Variants in PDS5A observed in about 807,000 individuals in gnomAD.
PDS5A encodes sister chromatid cohesion protein PDS5 homolog A.
In PDS5A, 42 loss-of-function variants were observed where a neutral mutation model predicts 167.1. The observed-to-expected ratio is 0.25, with a 90% confidence interval of 0.20 to 0.33. The LOEUF (loss-of-function observed/expected upper bound fraction) is 0.33, where lower values mean the gene tolerates loss of function less well. Among genes scored for constraint, PDS5A ranks in the 10% least tolerant of loss-of-function variants. PDS5A has a pLI of 1.00. For synonymous variants in PDS5A, 553 were observed against 554.6 expected (o/e 1.00, Z 0.04); for missense variants, 1,033 against 1,605.9 (o/e 0.64, Z 6.10).
chr4:39,918,743 C>CTA (rs940763273), intron 7 of PDS5A, among the ~76,000 whole-genome samples: 1 of 152,040 alleles, frequency 6.6e-6, no homozygotes, highest in African/African-American at 2.4e-5. Context: ...AGTACAGCCA[C>CTA]TAAGGAGGCT....
rs75800638 is a variant in PDS5A, at chr4:39,886,123, G to A, written c.1886+4126C>T. The stretch of plus-strand genomic sequence containing the variant: ...CTTGACACCTCTGTCAGAAATGAGC[G>A]GGCCAAAAAAGCACCAATATGTATC... On this transcript the variant is annotated intron_variant, in intron 17 of 32. Coordinates refer to ENST00000303538, the MANE Select transcript of PDS5A (RefSeq NM_001100399.2). Among the ~76,000 whole-genome samples, 894 of 152,100 alleles carry A rather than the reference G, an allele frequency of 5.9e-3. 7 individuals carry two copies. The highest frequency in any genetic ancestry group is 0.021 in the African/African-American group (857 of 41,484).
At chr4:39,921,581 C>T (rs959414057) in intron 6 of PDS5A, among the ~76,000 whole-genome samples, 10 of 84,484 alleles carry the variant, frequency 1.2e-4, no homozygotes, top group African/African-American at 4.0e-4. Flanking sequence ...ACAAAGAAAA[C>T]TTAAAAAAAA....
intron 2 of PDS5A, among the ~76,000 whole-genome samples, chr4:39,935,101 TAA>T (rs891249481): frequency 2.6e-5 from 4 of 152,240 alleles, no homozygotes; most frequent in African/African-American, 9.6e-5. Context: ...CCAAAAGTTG[TAA>T]AGATTTTCTC....
intron 2 of PDS5A, among the ~76,000 whole-genome samples, chr4:39,929,202 A>G (rs1025121984): frequency 3.3e-5 from 5 of 152,132 alleles, no homozygotes; most frequent in African/African-American, 9.7e-5. Context: ...GAAGGATACA[A>G]AGTACTAATC....
At chr4:39,874,253 A>C (rs1052452885) in intron 20 of PDS5A, 36 bp downstream of exon 20, 1 of 1,562,834 alleles carries the variant, frequency 6.4e-7, no homozygotes, top group Non-Finnish European at 8.7e-7. Context: ...TAAAAAATAA[A>C]GACCAATATA....
chr4:39,857,301 G>A (rs183748620), intron 26 of PDS5A, among the ~76,000 whole-genome samples: 1,586 of 149,076 alleles, frequency 0.011, 31 homozygotes, highest in African/African-American at 0.038. Context: ...GCAGTGAGCC[G>A]AGATCGCGCC....
At chr4:39,936,590 G>C (rs976494327) in intron 2 of PDS5A, among the ~76,000 whole-genome samples, 7 of 151,774 alleles carry the variant, frequency 4.6e-5, no homozygotes, top group African/African-American at 1.7e-4. Flanking sequence ...ACCACATCTG[G>C]CTAATTTTTT....
chr4:39,916,553 G>C (rs551677770), intron 8 of PDS5A, among the ~76,000 whole-genome samples: 2 of 152,190 alleles, frequency 1.3e-5, no homozygotes, highest in East Asian at 3.9e-4. Context: ...ATTATCAGTA[G>C]ATATTTAACA....
intron 2 of PDS5A, among the ~76,000 whole-genome samples, chr4:39,949,017 A>T (rs968543776): frequency 2.0e-5 from 3 of 152,034 alleles, no homozygotes; most frequent in African/African-American, 7.2e-5. Flanking sequence ...GTATAATGAA[A>T]GCCAGGCATG....
At chr4:39,970,795 T>TTC (rs1222503159) in intron 2 of PDS5A, among the ~76,000 whole-genome samples, 144 of 144,758 alleles carry the variant, frequency 9.9e-4, no homozygotes, top group South Asian at 1.8e-3. Context: ...TGTTCCTTTT[T>TTC]TTTTTTTTTT....
chr4:39,918,182 C>CA (rs11447119), intron 7 of PDS5A, among the ~76,000 whole-genome samples: 15,426 of 88,434 alleles, frequency 0.17, 1,653 homozygotes, highest in African/African-American at 0.28. Context: ...GACCCTGTCT[C>CA]AAAAAAAAAA....
chr4:39,929,548 T>TGGG (rs1725799285), intron 2 of PDS5A, among the ~76,000 whole-genome samples: 1 of 122,592 alleles, frequency 8.2e-6, no homozygotes. Context: ...TATATATATA[T>TGGG]ATATATATCC....
At chr4:39,826,084 T>C (rs1715279096) in intron 32 of PDS5A, among the ~76,000 whole-genome samples, 1 of 152,104 alleles carries the variant, frequency 6.6e-6, no homozygotes, top group South Asian at 2.1e-4. Context: ...TATCATACTA[T>C]GGCAAAATGA....
At position 39,823,291 on chromosome 4, in the gene PDS5A, T is replaced by C. The variant is rs1560401411; in HGVS notation, c.*2194A>G. On this transcript the variant is annotated 3_prime_UTR_variant, in exon 33 of 33. Transcript: ENST00000303538. The stretch of plus-strand genomic sequence containing the variant: ...GTCTTTCCACAACCCTACTCTTGCT[T>C]CCCTTAGTGCCAGACACTTGCATCA... 1 of 152,200 alleles carries C rather than the reference T, an allele frequency of 6.6e-6. No homozygotes were observed. Among genetic ancestry groups the C allele is most frequent in the Non-Finnish European group, 1.5e-5 (1 of 68,034 alleles). 9.4% of individuals were successfully genotyped at this position (152,200 alleles called of 1,614,324 possible). A position where few individuals can be genotyped will look rare whatever the true frequency, so the allele number is the denominator to read the frequency against.
chr4:39,969,827 T>C (rs1351218945), intron 2 of PDS5A, among the ~76,000 whole-genome samples: 4 of 151,970 alleles, frequency 2.6e-5, no homozygotes, highest in East Asian at 3.9e-4. Context: ...GGCATTAAGC[T>C]TGGCACTGAG....
intron 26 of PDS5A, among the ~76,000 whole-genome samples, chr4:39,859,421 C>A (rs1308149813): frequency 1.3e-5 from 2 of 152,142 alleles, no homozygotes; most frequent in Admixed American, 1.3e-4. Context: ...GCTGGGATTA[C>A]AGGTGAGACC....
intron 26 of PDS5A, among the ~76,000 whole-genome samples, chr4:39,856,667 T>C (rs1393903071): frequency 6.6e-6 from 1 of 151,784 alleles, no homozygotes; most frequent in African/African-American, 2.4e-5. Flanking sequence ...AATACAAAAA[T>C]TAGCCAGGCG....
At chr4:39,894,956 G>A (rs897065668) in intron 16 of PDS5A, among the ~76,000 whole-genome samples, 16 of 151,946 alleles carry the variant, frequency 1.1e-4, no homozygotes, top group Non-Finnish European at 1.5e-4. Flanking sequence ...GGCCAGGCAC[G>A]GTGGCTCACA....
At chr4:39,902,120 T>C (rs1722933844) in intron 13 of PDS5A, among the ~76,000 whole-genome samples, 1 of 152,202 alleles carries the variant, frequency 6.6e-6, no homozygotes, top group African/African-American at 2.4e-5. Context: ...GGTCATTTAT[T>C]TGAACACCTG....
Sources: gnomAD v4.1 joint callset for allele counts (sites outside exome capture counted in the v4.1 genomes callset) on GRCh38, gnomAD v4.1.1 for gene constraint, MANE v1.5 for transcripts, NCBI Gene and HGNC (gene_info 2026-07-23, HGNC 2026-07-21) for gene names.